Variants in LONP2 observed in about 807,000 individuals in gnomAD.
The protein encoded by LONP2 is lon protease homolog 2, peroxisomal.
LONP2 carries 60 observed loss-of-function variants against 85.6 expected under a neutral mutation model. The ratio of observed to expected loss-of-function variants is 0.70; its 90% confidence interval spans 0.57 to 0.87. The LOEUF (loss-of-function observed/expected upper bound fraction) is 0.87, where lower values mean the gene tolerates loss of function less well. Among genes scored for constraint, LONP2 ranks in the 40% least tolerant of loss-of-function variants. LONP2 has a pLI of 0.00. For missense variants in LONP2, 860 were observed against 1,063.5 expected (o/e 0.81, Z 2.66); for synonymous variants, 395 against 389.7 (o/e 1.01, Z -0.16).
chr16:48,250,486 A>C lies in LONP2; in HGVS notation c.234-1645A>C, dbSNP rs185483989. Among the ~76,000 whole-genome samples, 127 of 152,118 alleles carry C rather than the reference A, an allele frequency of 8.3e-4. No individual in the cohort carries two copies. The Middle Eastern group carries it at 0.01, about 12-fold the overall frequency. ...ACAAAGTGAGACTCCGTCTCAAAAA[A>C]AAAAAACAAAAAACAAAAAACAACT... is the stretch of plus-strand genomic sequence containing the variant. On this transcript the variant is annotated intron_variant, in intron 1 of 14. Transcript: ENST00000285737.
intron 11 of LONP2, among the ~76,000 whole-genome samples, chr16:48,333,219 G>A (rs1053716496): frequency 2.0e-5 from 3 of 152,144 alleles, no homozygotes; most frequent in African/African-American, 7.2e-5. Flanking sequence ...GATTGATACA[G>A]AAGATGGTCC....
chr16:48,277,327 G>A lies in LONP2; in HGVS notation c.1242-11G>A. 1 of 1,610,804 alleles carries A rather than the reference G, an allele frequency of 6.2e-7. No homozygotes were observed. Among genetic ancestry groups the A allele is most frequent in the Non-Finnish European group, 8.5e-7 (1 of 1,178,820 alleles). ...ATCTCACACTGTGAATGTGCTACTT[G>A]CTTTCTCTAGGCGCACCTATGTTGG... On this transcript the variant is annotated splice_polypyrimidine_tract_variant and intron_variant, in intron 7 of 14. Coordinates refer to ENST00000285737, the MANE Select transcript of LONP2 (RefSeq NM_031490.5).
chr16:48,288,936 G>A (rs964783945), intron 8 of LONP2, among the ~76,000 whole-genome samples: 3 of 152,032 alleles, frequency 2.0e-5, no homozygotes, highest in African/African-American at 7.2e-5. Flanking sequence ...TATGTAAAAC[G>A]AAATCAGTTT....
At chr16:48,256,575 G>C (rs1971765585) in intron 2 of LONP2, 35 bp from the exon 3 acceptor site, 4 of 1,604,452 alleles carry the variant, frequency 2.5e-6, no homozygotes, top group Non-Finnish European at 3.4e-6. Context: ...AATAATGCCA[G>C]ATTTCATTTA....
Position 48,252,173 on chromosome 16 carries a change from C to T in LONP2, c.276C>T (p.Asn92=). The change falls in exon 2 of 15, where the codon AAC becomes AAT. Residue 92 remains asparagine, a synonymous_variant. Coordinates refer to ENST00000285737, the MANE Select transcript of LONP2 (RefSeq NM_031490.5). ...AALAVQVVGS[N]WPKPHYTLLI... Reference sequence around the variant, plus strand: ...TGGCCGTTCAGGTTGTGGGCAGTAACTGGCCCAAGCCCCACTACACTCTGT... The same window carrying T: ...TGGCCGTTCAGGTTGTGGGCAGTAATTGGCCCAAGCCCCACTACACTCTGT... The T allele has an allele frequency of 6.2e-7, 1 of 1,607,830 alleles. No homozygotes were observed. Among genetic ancestry groups the T allele is most frequent in the Non-Finnish European group, 8.5e-7 (1 of 1,175,658 alleles).
intron 8 of LONP2, among the ~76,000 whole-genome samples, chr16:48,289,441 T>G (rs1972515089): frequency 1.3e-5 from 2 of 152,212 alleles, no homozygotes; most frequent in Non-Finnish European, 2.9e-5. Context: ...AGTTTCTGAT[T>G]AGCCTTTCCA....
chr16:48,349,301 G>A (rs996762563), intron 14 of LONP2, among the ~76,000 whole-genome samples: 9 of 151,524 alleles, frequency 5.9e-5, no homozygotes, highest in Admixed American at 2.6e-4. Flanking sequence ...GATGGAGTCC[G>A]GCTCTCTTAC....
intron 8 of LONP2, among the ~76,000 whole-genome samples, chr16:48,278,705 T>A (rs1173006953): frequency 2.6e-5 from 4 of 152,178 alleles, no homozygotes; most frequent in African/African-American, 9.7e-5. Flanking sequence ...GTTCTTCCCT[T>A]TATCCTGGGA....
At chr16:48,340,189 A>C (rs1209082533) in intron 12 of LONP2, among the ~76,000 whole-genome samples, 1 of 152,206 alleles carries the variant, frequency 6.6e-6, no homozygotes, top group Non-Finnish European at 1.5e-5. Context: ...AAGGCCTGAA[A>C]GTTGCAAGGC....
chr16:48,251,209 G>A (rs892377315), intron 1 of LONP2, among the ~76,000 whole-genome samples: 5 of 152,120 alleles, frequency 3.3e-5, no homozygotes, highest in African/African-American at 9.7e-5. Flanking sequence ...TTCTATTACC[G>A]CTTTCCTAGG....
At chr16:48,313,822 C>G (rs993159287) in intron 11 of LONP2, among the ~76,000 whole-genome samples, 7 of 152,090 alleles carry the variant, frequency 4.6e-5, no homozygotes, top group African/African-American at 1.7e-4. Context: ...GCTATATACC[C>G]AGTAGTGGGA....
Position 48,270,099 on chromosome 16 carries a change from T to C in LONP2, c.1066T>C (p.Tyr356His). 1 of 1,614,038 alleles carries C rather than the reference T, an allele frequency of 6.2e-7. No homozygotes were observed. The highest frequency in any genetic ancestry group is 8.5e-7 in the Non-Finnish European group (1 of 1,179,966). ...AAAATTGAAGAAAAGAGTACTGGAA[T>C]ACTTGGCTGTCAGACAGCTCAAAAA... The part of the protein sequence containing the change: ...MEKLKKRVLE[Y>H]LAVRQLKNNL... The change falls in exon 7 of 15, where the codon TAC (tyrosine) becomes CAC (histidine). Residue 356 changes from tyrosine to histidine, a missense_variant. Tyr to His is a moderately conservative substitution (Grantham distance 83). Transcript: ENST00000285737.
At chr16:48,272,443 C>A (rs945228677) in intron 7 of LONP2, among the ~76,000 whole-genome samples, 2 of 152,154 alleles carry the variant, frequency 1.3e-5, no homozygotes, top group East Asian at 3.9e-4. Flanking sequence ...TCCTTACTGA[C>A]ATATAAAATT....
chr16:48,340,401 C>T (rs74017923), intron 12 of LONP2, among the ~76,000 whole-genome samples: 1,863 of 152,292 alleles, frequency 0.012, 40 homozygotes, highest in African/African-American at 0.042. Context: ...CAGAGACCTA[C>T]CCCCAATCAC....
Position 48,319,127 on chromosome 16 carries a change from C to T in LONP2, c.1796-15089C>T, listed in dbSNP as rs556456838. 7.2e-5 allele frequency among the ~76,000 whole-genome samples: 11 copies of T among 152,208 alleles called. No individual in the cohort carries two copies. In the South Asian group the frequency reaches 1.9e-3, roughly 26 times the overall value. On this transcript the variant is annotated intron_variant, in intron 11 of 14. Transcript: ENST00000285737. ...AGACATGGTGACTAATGCCTGTAAT[C>T]CTGGCACTTTGGGAGGCCGAGGCAG...
chr16:48,273,539 C>A (rs932129795), intron 7 of LONP2, among the ~76,000 whole-genome samples: 3 of 152,028 alleles, frequency 2.0e-5, no homozygotes, highest in African/African-American at 7.2e-5. Context: ...TCAGTCTTTT[C>A]GATATTTCTC....
chr16:48,260,349 C>T (rs1276407817), intron 4 of LONP2, among the ~76,000 whole-genome samples: 1 of 152,126 alleles, frequency 6.6e-6, no homozygotes, highest in Non-Finnish European at 1.5e-5. Context: ...GTAATCCCAG[C>T]ACTTTGGGAG....
intron 13 of LONP2, 130 bp from the exon 14 acceptor site, chr16:48,347,964 CAAATTG>C (rs1960020929): frequency 1.2e-6 from 1 of 828,532 alleles, no homozygotes; most frequent in African/African-American, 1.7e-5. Flanking sequence ...CACCCTCACC[CAAATTG>C]TACTGTCCAC....
chr16:48,333,179 A>G (rs918305049), intron 11 of LONP2, among the ~76,000 whole-genome samples: 1 of 152,114 alleles, frequency 6.6e-6, no homozygotes, highest in Non-Finnish European at 1.5e-5. Flanking sequence ...ATTACGTAAT[A>G]TTTTTCGTTA....
Sources: gnomAD v4.1 joint callset for allele counts (sites outside exome capture counted in the v4.1 genomes callset) on GRCh38, gnomAD v4.1.1 for gene constraint, MANE v1.5 for transcripts, NCBI Gene and HGNC (gene_info 2026-07-23, HGNC 2026-07-21) for gene names.